Variants in GALNT13 observed in about 807,000 individuals in gnomAD.
GALNT13 encodes the protein polypeptide N-acetylgalactosaminyltransferase 13, also known as UDP-GalNAc:polypeptide N-acetylgalactosaminyltransferase 13.
In GALNT13, 28 loss-of-function variants were observed where a neutral mutation model predicts 64.2. The ratio of observed to expected loss-of-function variants is 0.44; its 90% CI spans 0.32 to 0.60. The LOEUF (loss-of-function observed/expected upper bound fraction) is 0.60. Among genes scored for constraint, GALNT13 ranks in the 20% least tolerant of loss-of-function variants. GALNT13 has a pLI of 0.05. For synonymous variants in GALNT13, 214 were observed against 224.6 expected (o/e 0.95, Z 0.42); for missense variants, 577 against 669.8 (o/e 0.86, Z 1.53).
At chr2:153,541,882 T>C in the GALNT13 span, among the ~76,000 whole-genome samples, 2 of 152,246 alleles carry the variant, frequency 1.3e-5, no homozygotes, top group African/African-American at 4.8e-5. Flanking sequence ...TCTTGTGTTA[T>C]ATGAAACTAT....
the GALNT13 span, among the ~76,000 whole-genome samples, chr2:153,570,008 G>A: frequency 0.89 from 135,460 of 152,192 alleles, 60,508 homozygotes; most frequent in Non-Finnish European, 0.93. Context: ...CATCCAAACT[G>A]TTATTCATAG....
At chr2:153,080,083 C>T in the GALNT13 span, among the ~76,000 whole-genome samples, 1 of 152,134 alleles carries the variant, frequency 6.6e-6, no homozygotes, top group Admixed American at 6.5e-5. Flanking sequence ...ATTGTCATTT[C>T]CTGTGGTTTT....
chr2:153,333,243 C>G, the GALNT13 span, among the ~76,000 whole-genome samples: 16 of 152,320 alleles, frequency 1.1e-4, 1 homozygote, highest in South Asian at 2.5e-3. Context: ...ACAGAATGTT[C>G]AAGCCTCTTC....
At chr2:154,093,042 C>A (rs2105444018) in intron 3 of GALNT13, among the ~76,000 whole-genome samples, 2 of 151,966 alleles carry the variant, frequency 1.3e-5, no homozygotes, top group South Asian at 4.1e-4. Context: ...AATTTAAGTA[C>A]TTGAAGTGAA....
intron 9 of GALNT13, among the ~76,000 whole-genome samples, chr2:154,394,779 T>C (rs1698978794): frequency 6.6e-6 from 1 of 152,230 alleles, no homozygotes; most frequent in South Asian, 2.1e-4. Context: ...ACCTTGTTTT[T>C]TCTGCCCAAA....
the GALNT13 span, among the ~76,000 whole-genome samples, chr2:153,518,015 G>T: frequency 1.3e-5 from 2 of 152,016 alleles, 1 homozygote; most frequent in African/African-American, 4.8e-5. Context: ...AAAATGATTC[G>T]TGCCAGAAAT....
the GALNT13 span, among the ~76,000 whole-genome samples, chr2:153,862,867 C>A: frequency 6.6e-6 from 1 of 152,000 alleles, no homozygotes; most frequent in Non-Finnish European, 1.5e-5. Context: ...ATATGAACTT[C>A]TAATATTTTA....
the GALNT13 span, among the ~76,000 whole-genome samples, chr2:153,624,778 A>G: frequency 0.2 from 29,470 of 150,280 alleles, 3,079 homozygotes; most frequent in African/African-American, 0.25. Context: ...GCTGGGCATC[A>G]GGAGGAAGAG....
the GALNT13 span, among the ~76,000 whole-genome samples, chr2:153,123,422 C>T: frequency 1.3e-5 from 2 of 152,064 alleles, no homozygotes; most frequent in Admixed American, 6.6e-5. Flanking sequence ...GGTTTACTAA[C>T]CTAAAATAGT....
At chr2:153,779,341 G>A in the GALNT13 span, among the ~76,000 whole-genome samples, 1 of 152,132 alleles carries the variant, frequency 6.6e-6, no homozygotes, top group Non-Finnish European at 1.5e-5. Context: ...CAGAGCCAAT[G>A]GCACTAACAC....
the GALNT13 span, among the ~76,000 whole-genome samples, chr2:153,744,657 A>G: frequency 6.6e-6 from 1 of 152,218 alleles, no homozygotes; most frequent in East Asian, 1.9e-4. Flanking sequence ...CTCATCTTGT[A>G]GCATCCTGAG....
chr2:153,766,687 T>C, the GALNT13 span, among the ~76,000 whole-genome samples: 1 of 152,260 alleles, frequency 6.6e-6, no homozygotes, highest in African/African-American at 2.4e-5. Flanking sequence ...TCTTTATCTC[T>C]AGGATTTCTA....
chr2:154,309,376 A>G (rs1402150313), intron 9 of GALNT13, among the ~76,000 whole-genome samples: 1 of 152,084 alleles, frequency 6.6e-6, no homozygotes, highest in Non-Finnish European at 1.5e-5. Context: ...GCTCTGTCCT[A>G]GTCTGTTTTG....
intron 9 of GALNT13, among the ~76,000 whole-genome samples, chr2:154,358,547 A>T (rs368121851): frequency 6.6e-6 from 1 of 152,100 alleles, no homozygotes; most frequent in Non-Finnish European, 1.5e-5. Context: ...ATGTAATATA[A>T]TAACTTCTAA....
chr2:154,033,397 A>G (rs1373135229), intron 3 of GALNT13, among the ~76,000 whole-genome samples: 1 of 152,102 alleles, frequency 6.6e-6, no homozygotes, highest in African/African-American at 2.4e-5. Flanking sequence ...CTGGGAGAAC[A>G]TATTTTCAAG....
At chr2:153,088,581 G>A in the GALNT13 span, among the ~76,000 whole-genome samples, 30 of 152,144 alleles carry the variant, frequency 2.0e-4, no homozygotes, top group East Asian at 3.9e-4. Flanking sequence ...CACTATTATC[G>A]TGTTGTCACC....
intron 4 of GALNT13, among the ~76,000 whole-genome samples, chr2:154,146,911 T>C (rs1455761647): frequency 6.6e-6 from 1 of 152,118 alleles, no homozygotes; most frequent in African/African-American, 2.4e-5. Flanking sequence ...TCACTACTTG[T>C]TTGGGTCTTC....
At chr2:154,290,204 C>T (rs146764748) in intron 8 of GALNT13, among the ~76,000 whole-genome samples, 4 of 152,158 alleles carry the variant, frequency 2.6e-5, no homozygotes, top group Non-Finnish European at 5.9e-5. Flanking sequence ...CTCACACCCT[C>T]CTAGCAGGGG....
chr2:153,459,975 A>C, the GALNT13 span, among the ~76,000 whole-genome samples: 2 of 152,214 alleles, frequency 1.3e-5, no homozygotes, highest in African/African-American at 4.8e-5. Flanking sequence ...TCAGCAAATT[A>C]TACTAAATGC....
Sources: gnomAD v4.1 joint callset for allele counts (sites outside exome capture counted in the v4.1 genomes callset) on GRCh38, gnomAD v4.1.1 for gene constraint, MANE v1.5 for transcripts, NCBI Gene and HGNC (gene_info 2026-07-23, HGNC 2026-07-21) for gene names.